FER: variants seen among roughly 807,000 people sequenced by gnomAD.
FER encodes the protein FER tyrosine kinase.
In FER, 63 loss-of-function variants were observed where a neutral mutation model predicts 111.0. That is an observed-to-expected ratio of 0.57 (90% CI 0.46 to 0.70). The LOEUF (loss-of-function observed/expected upper bound fraction) is 0.70, where lower values mean the gene tolerates loss of function less well. Among genes scored for constraint, FER ranks in the 30% least tolerant of loss-of-function variants. FER has a pLI of 0.00. For synonymous variants in FER, 327 were observed against 313.9 expected (o/e 1.04, Z -0.44); for missense variants, 914 against 954.0 (o/e 0.96, Z 0.55).
intron 13 of FER, among the ~76,000 whole-genome samples, chr5:109,005,412 A>C (rs1265109214): frequency 6.6e-6 from 1 of 152,020 alleles, no homozygotes; most frequent in Admixed American, 6.6e-5. Flanking sequence ...TGTTTATTCA[A>C]ACATACTTAT....
chr5:108,881,320 C>T (rs535969373), intron 8 of FER, among the ~76,000 whole-genome samples: 1 of 152,224 alleles, frequency 6.6e-6, no homozygotes, highest in African/African-American at 2.4e-5. Context: ...GAGCAAGTCA[C>T]GTTTTACACG....
At chr5:109,046,522 A>G (rs1771998214) in intron 15 of FER, among the ~76,000 whole-genome samples, 1 of 152,120 alleles carries the variant, frequency 6.6e-6, no homozygotes, top group African/African-American at 2.4e-5. Flanking sequence ...GTAGATAATA[A>G]TTTTTAAAAG....
intron 5 of FER, among the ~76,000 whole-genome samples, chr5:108,864,132 T>C (rs1420041608): frequency 6.6e-6 from 1 of 152,210 alleles, no homozygotes; most frequent in Non-Finnish European, 1.5e-5. Flanking sequence ...TATCCTCATG[T>C]GCAAGAGCCA....
chr5:109,074,513 C>G (rs1447816145), intron 16 of FER, among the ~76,000 whole-genome samples: 3 of 152,186 alleles, frequency 2.0e-5, no homozygotes, highest in Non-Finnish European at 4.4e-5. Context: ...TAAATTTTCC[C>G]TGGACCCATA....
chr5:108,751,740 C>T (rs958910067), intron 1 of FER, among the ~76,000 whole-genome samples: 1 of 151,974 alleles, frequency 6.6e-6, no homozygotes, highest in Middle Eastern at 3.2e-3. Context: ...AAATTTAAGT[C>T]AGTATTTCGA....
intron 2 of FER, among the ~76,000 whole-genome samples, chr5:108,791,079 G>A (rs914208440): frequency 2.0e-5 from 3 of 152,150 alleles, no homozygotes; most frequent in African/African-American, 7.2e-5. Flanking sequence ...CTACTTTGCA[G>A]CTATTGTGAA....
At chr5:108,863,380 G>T (rs1334970915) in intron 5 of FER, among the ~76,000 whole-genome samples, 1 of 152,154 alleles carries the variant, frequency 6.6e-6, no homozygotes, top group Non-Finnish European at 1.5e-5. Context: ...CTCGGCCTCT[G>T]AAAGTGTTGG....
chr5:109,066,999 A>C (rs561217081), intron 16 of FER, among the ~76,000 whole-genome samples: 2 of 152,338 alleles, frequency 1.3e-5, no homozygotes, highest in East Asian at 3.9e-4. Context: ...GAAAGACAAA[A>C]ATAACCTTGC....
intron 2 of FER, among the ~76,000 whole-genome samples, chr5:108,780,286 T>C (rs1035003213): frequency 3.3e-5 from 5 of 152,182 alleles, no homozygotes. Context: ...TTGGATCTAC[T>C]GGCAACAAAT....
At chr5:109,058,284 C>T (rs1231418563) in intron 16 of FER, among the ~76,000 whole-genome samples, 1 of 151,964 alleles carries the variant, frequency 6.6e-6, no homozygotes, top group Non-Finnish European at 1.5e-5. Context: ...AAATGTTTTC[C>T]CCCTTTATAT....
At chr5:109,165,925 C>A (rs992902452) in intron 17 of FER, among the ~76,000 whole-genome samples, 2 of 152,034 alleles carry the variant, frequency 1.3e-5, no homozygotes, top group African/African-American at 4.8e-5. Context: ...TAAAACAGGT[C>A]CTCTGTCTAA....
chr5:109,053,785 G>A (rs1044880506), intron 16 of FER, among the ~76,000 whole-genome samples: 1 of 149,678 alleles, frequency 6.7e-6, no homozygotes, highest in African/African-American at 2.5e-5. Flanking sequence ...CCGCCTCCTG[G>A]GTTCACGCCA....
At chr5:109,158,648 G>A (rs539555705) in intron 17 of FER, among the ~76,000 whole-genome samples, 24 of 151,870 alleles carry the variant, frequency 1.6e-4, no homozygotes, top group African/African-American at 5.1e-4. Flanking sequence ...CATTGCCTTC[G>A]GATGATAGCT....
intron 3 of FER, among the ~76,000 whole-genome samples, chr5:108,810,201 G>A (rs768647141): frequency 6.6e-6 from 1 of 152,112 alleles, no homozygotes; most frequent in Non-Finnish European, 1.5e-5. Context: ...CCGTTGGCAG[G>A]TTTTATACTG....
At position 109,193,908 on chromosome 5, in the gene FER, A is replaced by G. The variant is rs1759553509; in HGVS notation, c.*6333A>G. 1 of 151,636 alleles carries G rather than the reference A, an allele frequency of 6.6e-6. No homozygotes were observed. The highest frequency in any genetic ancestry group is 1.5e-5 in the Non-Finnish European group (1 of 68,034). 9.4% of individuals were successfully genotyped at this position (151,636 alleles called of 1,614,324 possible). A position where few individuals can be genotyped will look rare whatever the true frequency, so the allele number is the denominator to read the frequency against. ...CAGTATGTGATAAGCCCCATGATGGATGCAGGTTAGAATTCAAAGACCTGG... is the reference window on the plus strand; with the variant it reads ...CAGTATGTGATAAGCCCCATGATGGGTGCAGGTTAGAATTCAAAGACCTGG... On this transcript the variant is annotated 3_prime_UTR_variant, in exon 20 of 20. Coordinates refer to ENST00000281092, the MANE Select transcript of FER (RefSeq NM_005246.4).
chr5:108,963,242 G>A (rs1056840179), intron 13 of FER, among the ~76,000 whole-genome samples: 2 of 151,992 alleles, frequency 1.3e-5, no homozygotes, highest in Admixed American at 6.6e-5. Context: ...TTTCTGAATC[G>A]AAGGTAAAGC....
chr5:109,047,974 G>A (rs533543390), intron 16 of FER, among the ~76,000 whole-genome samples: 11 of 152,170 alleles, frequency 7.2e-5, no homozygotes, highest in South Asian at 2.1e-4. Flanking sequence ...ACTTCCTGTT[G>A]TAGAAGATAC....
At chr5:108,786,357 T>G (rs1754714947) in intron 2 of FER, among the ~76,000 whole-genome samples, 1 of 152,182 alleles carries the variant, frequency 6.6e-6, no homozygotes, top group Non-Finnish European at 1.5e-5. Flanking sequence ...CAGTGTGAAG[T>G]CTCAGGATTT....
chr5:108,895,213 A>G (rs753190901), intron 9 of FER, among the ~76,000 whole-genome samples: 10 of 152,172 alleles, frequency 6.6e-5, no homozygotes, highest in Non-Finnish European at 1.5e-4. Context: ...ATGACTTGAA[A>G]TCGTTTTTTC....
Sources: allele counts gnomAD v4.1 joint callset (sites outside exome capture counted in the v4.1 genomes callset), GRCh38; gene constraint gnomAD v4.1.1; transcripts MANE v1.5; gene names NCBI Gene and HGNC (gene_info 2026-07-23, HGNC 2026-07-21).